SMCO4: variants seen among roughly 807,000 people sequenced by gnomAD.
SMCO4 encodes the protein single-pass membrane protein with coiled-coil domains 4.
Under a neutral mutation model 3.6 loss-of-function variants are expected in SMCO4, and 4 were observed. That is an observed-to-expected ratio of 1.11 (90% confidence interval 0.54 to 2.53). SMCO4 has a LOEUF of 2.53. Ranked by LOEUF, SMCO4 falls within the 30% of genes most tolerant of loss-of-function variation. The pLI is 0.02. For missense variants in SMCO4, 70 were observed against 80.8 expected (o/e 0.87, Z 0.51); for synonymous variants, 36 against 35.3 (o/e 1.02, Z -0.07).
At chr11:93,506,090 G>A (rs914871511) in intron 1 of SMCO4, among the ~76,000 whole-genome samples, 1 of 152,120 alleles carries the variant, frequency 6.6e-6, no homozygotes, top group Non-Finnish European at 1.5e-5. Flanking sequence ...TACATGTGTA[G>A]ATATATAAAT....
intron 1 of SMCO4, among the ~76,000 whole-genome samples, chr11:93,500,588 T>C (rs1948825921): frequency 6.6e-6 from 1 of 152,126 alleles, no homozygotes; most frequent in Non-Finnish European, 1.5e-5. Context: ...GACGCAGAAC[T>C]GGAAAGGGGA....
intron 1 of SMCO4, among the ~76,000 whole-genome samples, chr11:93,509,846 A>ATTT (rs1948942336): frequency 2.6e-5 from 4 of 152,214 alleles, no homozygotes; most frequent in Non-Finnish European, 4.4e-5. Flanking sequence ...AGAGTGAGGG[A>ATTT]TAAAAGGATA....
intron 2 of SMCO4, among the ~76,000 whole-genome samples, chr11:93,495,572 A>G (rs1433935130): frequency 6.6e-6 from 1 of 152,242 alleles, no homozygotes; most frequent in East Asian, 1.9e-4. Context: ...CTTGTATAAT[A>G]GAATGCCAGT....
chr11:93,548,517 A>G, the SMCO4 span, among the ~76,000 whole-genome samples: 1 of 152,112 alleles, frequency 6.6e-6, no homozygotes. Context: ...TTTCTGCCTC[A>G]TACCTACTTG....
intron 2 of SMCO4, among the ~76,000 whole-genome samples, chr11:93,481,839 T>C (rs1948595902): frequency 6.6e-6 from 1 of 152,128 alleles, no homozygotes; most frequent in Non-Finnish European, 1.5e-5. Flanking sequence ...CTCTCCCAAA[T>C]TCCTCACAGG....
intron 1 of SMCO4, among the ~76,000 whole-genome samples, chr11:93,533,354 T>C (rs987011427): frequency 2.0e-5 from 3 of 152,140 alleles, no homozygotes; most frequent in Non-Finnish European, 2.9e-5. Flanking sequence ...ACAAGAACCT[T>C]GGGAGGAGTA....
At chr11:93,542,519 G>T (rs555925701) in intron 1 of SMCO4, among the ~76,000 whole-genome samples, 1 of 152,318 alleles carries the variant, frequency 6.6e-6, no homozygotes, top group Admixed American at 6.5e-5. Flanking sequence ...CAAAAGCACT[G>T]CAGTCTGAGG....
intron 1 of SMCO4, among the ~76,000 whole-genome samples, chr11:93,512,798 C>T (rs546577251): frequency 6.6e-6 from 1 of 152,230 alleles, no homozygotes; most frequent in East Asian, 1.9e-4. Context: ...GAGGCATTGA[C>T]CGTATATCTT....
intron 1 of SMCO4, among the ~76,000 whole-genome samples, chr11:93,524,299 C>A (rs528863287): frequency 1.3e-5 from 2 of 152,264 alleles, no homozygotes; most frequent in East Asian, 3.9e-4. Context: ...AGGATGGGAC[C>A]ACACATTCCT....
At chr11:93,543,877 G>C (rs1949294502), upstream of SMCO4, among the ~76,000 whole-genome samples, 1 of 152,238 alleles carries the variant, frequency 6.6e-6, no homozygotes, top group South Asian at 2.1e-4. Context: ...GTCTACCCAA[G>C]TAGGCTTTGA....
In SMCO4 at chr11:93,532,496, C is replaced by G. The variant is rs927471240; in HGVS notation, c.-154+10780G>C. 3.9e-5 allele frequency among the ~76,000 whole-genome samples: 6 copies of G among 152,348 alleles called. No homozygotes were observed. The South Asian group carries it at 1.2e-3, about 32-fold the overall frequency. On this transcript the variant is annotated intron_variant, in intron 1 of 2. Coordinates refer to ENST00000298966, the MANE Select transcript of SMCO4 (RefSeq NM_020179.3). ...GACTTGGACGGAGTCCCGCTGCCAG[C>G]CTTCCTTGTTCTCCAGCCTGCAGAC...
chr11:93,482,468 T>C (rs1006420976), intron 2 of SMCO4, among the ~76,000 whole-genome samples: 7 of 152,142 alleles, frequency 4.6e-5, no homozygotes, highest in Admixed American at 2.6e-4. Context: ...TTGGAAGTCA[T>C]CAACTATTGG....
At chr11:93,498,052 T>G (rs1263268216) in intron 2 of SMCO4, among the ~76,000 whole-genome samples, 1 of 152,014 alleles carries the variant, frequency 6.6e-6, no homozygotes, top group Non-Finnish European at 1.5e-5. Flanking sequence ...ATTCAACCAC[T>G]TGGATAATTT....
chr11:93,517,965 T>C (rs1448073273), intron 1 of SMCO4, among the ~76,000 whole-genome samples: 2 of 152,338 alleles, frequency 1.3e-5, no homozygotes, highest in Non-Finnish European at 2.9e-5. Context: ...GCATATAACA[T>C]ATATCAGACA....
chr11:93,484,817 G>C (rs1025742287), intron 2 of SMCO4, among the ~76,000 whole-genome samples: 2 of 152,052 alleles, frequency 1.3e-5, no homozygotes, highest in African/African-American at 4.8e-5. Context: ...CCTGGTTCAG[G>C]CTCTCAGGGG....
intron 2 of SMCO4, among the ~76,000 whole-genome samples, chr11:93,489,066 A>G (rs1322534270): frequency 1.3e-5 from 2 of 152,166 alleles, no homozygotes; most frequent in Non-Finnish European, 2.9e-5. Context: ...GGGTGGCAGC[A>G]GGCAGACAGA....
At chr11:93,485,847 C>G (rs561358631) in intron 2 of SMCO4, among the ~76,000 whole-genome samples, 2 of 152,208 alleles carry the variant, frequency 1.3e-5, no homozygotes, top group Non-Finnish European at 2.9e-5. Context: ...CACAATCATA[C>G]AAGATTGGTA....
intron 2 of SMCO4, among the ~76,000 whole-genome samples, chr11:93,495,663 T>C (rs1036256006): frequency 1.3e-5 from 2 of 152,160 alleles, no homozygotes; most frequent in African/African-American, 2.4e-5. Context: ...TATGTCAAAA[T>C]ATGTGGGTGG....
At chr11:93,488,438 T>G (rs1197333441) in intron 2 of SMCO4, among the ~76,000 whole-genome samples, 1 of 152,222 alleles carries the variant, frequency 6.6e-6, no homozygotes, top group Non-Finnish European at 1.5e-5. Flanking sequence ...TAATGAATTA[T>G]TCAGGTAAAA....
Sources: allele counts gnomAD v4.1 joint callset (sites outside exome capture counted in the v4.1 genomes callset), GRCh38; gene constraint gnomAD v4.1.1; transcripts MANE v1.5; gene names NCBI Gene and HGNC (gene_info 2026-07-23, HGNC 2026-07-21).